SMG6: variants seen among roughly 807,000 people sequenced by gnomAD.
SMG6 encodes SMG6 nonsense mediated mRNA decay factor, also known as telomerase-binding protein EST1A.
In SMG6, 66 loss-of-function variants were observed where a neutral mutation model predicts 142.2. That is an observed-to-expected ratio of 0.46 (90% CI 0.38 to 0.57). The LOEUF (loss-of-function observed/expected upper bound fraction) is 0.57. Among genes scored for constraint, SMG6 ranks in the 20% least tolerant of loss-of-function variants. SMG6 has a pLI of 0.00. For missense variants in SMG6, 1,793 were observed against 1,832.0 expected, an observed-to-expected ratio of 0.98 and a Z score of 0.39; for synonymous variants, 779 against 702.4, an observed-to-expected ratio of 1.11 and a Z score of -1.72.
At chr17:2,178,616 A>G (rs972396564) in intron 12 of SMG6, among the ~76,000 whole-genome samples, 1 of 152,230 alleles carries the variant, frequency 6.6e-6, no homozygotes, top group African/African-American at 2.4e-5. Context: ...ACCTCGTTCC[A>G]GGATTTCTCA....
intron 8 of SMG6, among the ~76,000 whole-genome samples, chr17:2,262,723 G>A (rs2074343365): frequency 6.6e-6 from 1 of 152,098 alleles, no homozygotes; most frequent in Admixed American, 6.6e-5. Flanking sequence ...TTTATTGCAA[G>A]TATTTATTTA....
chr17:2,082,920 C>T (rs1791744191), intron 14 of SMG6, among the ~76,000 whole-genome samples: 2 of 152,170 alleles, frequency 1.3e-5, no homozygotes, highest in South Asian at 2.1e-4. Context: ...TACCGGGCTA[C>T]CCATTTTTCA....
chr17:2,282,801 C>T lies in SMG6; in HGVS notation c.2507G>A (p.Arg836Gln), dbSNP rs781584749. The T allele has an allele frequency of 3.9e-5, 63 of 1,614,064 alleles. No individual in the cohort carries two copies. The highest frequency in any genetic ancestry group is 1.5e-4 in the South Asian group (14 of 91,078). Residue 836 changes from arginine (R) to glutamine (Q), a missense_variant, in exon 8 of 19, where the codon CGG becomes CAG. Physicochemically the swap from Arg to Gln is conservative, Grantham distance 43 (BLOSUM62 1). Coordinates refer to ENST00000263073, the MANE Select transcript of SMG6 (RefSeq NM_017575.5). ...EEFDLSPDQW[R>Q]KGKKSTFRHV... Reference sequence around the variant, plus strand: ...CCGGAAAGTAGACTTCTTTCCTTTCCGCCACTGGTCAGGGCTCAGGTCAAA... The same window carrying T: ...CCGGAAAGTAGACTTCTTTCCTTTCTGCCACTGGTCAGGGCTCAGGTCAAA...
chr17:2,229,347 C>T (rs2073406349), intron 10 of SMG6: 1 of 152,242 alleles, frequency 6.6e-6, no homozygotes, highest in Admixed American at 6.5e-5. Context: ...CTCTTCCTAT[C>T]TCAGATCAGA....
chr17:2,303,513 T>C, intron 1 of SMG6, 120 bp downstream of exon 1: 1 of 1,329,402 alleles, frequency 7.5e-7, no homozygotes, highest in Non-Finnish European at 9.6e-7. Flanking sequence ...CCCCAGCGCC[T>C]ACTGCTGGGG....
intron 13 of SMG6, among the ~76,000 whole-genome samples, chr17:2,123,548 C>T (rs990875218): frequency 2.0e-5 from 3 of 152,178 alleles, no homozygotes; most frequent in African/African-American, 7.2e-5. Context: ...GTTATTCCTC[C>T]CACCTATACA....
At chr17:2,153,883 G>A (rs56402115) in intron 13 of SMG6, among the ~76,000 whole-genome samples, 3 of 134,980 alleles carry the variant, frequency 2.2e-5, no homozygotes, top group East Asian at 2.3e-4. Context: ...GTGCGGTGAC[G>A]GGGGAACCTG....
At chr17:2,298,219 G>A (rs2075187089) in intron 2 of SMG6, among the ~76,000 whole-genome samples, 164 bp from the exon 3 acceptor site, 1 of 152,170 alleles carries the variant, frequency 6.6e-6, no homozygotes, top group South Asian at 2.1e-4. Flanking sequence ...AGAGCAGAAT[G>A]TCATTCTAAA....
chr17:2,221,723 T>C (rs886265166), intron 10 of SMG6, among the ~76,000 whole-genome samples: 4 of 152,238 alleles, frequency 2.6e-5, no homozygotes, highest in African/African-American at 4.8e-5. Context: ...TCAATCTTCA[T>C]TGTCCAGGCT....
At chr17:2,298,334 A>G (rs980006937) in intron 2 of SMG6, among the ~76,000 whole-genome samples, 1 of 152,196 alleles carries the variant, frequency 6.6e-6, no homozygotes, top group Non-Finnish European at 1.5e-5. Context: ...ATTTCTTGGC[A>G]TTCTAGAAAG....
At chr17:2,096,628 G>C (rs953857383) in intron 13 of SMG6, among the ~76,000 whole-genome samples, 3 of 152,116 alleles carry the variant, frequency 2.0e-5, no homozygotes, top group African/African-American at 4.8e-5. Flanking sequence ...TTGCAGGTGT[G>C]AGCCGCCCAT....
At chr17:2,148,050 G>T (rs551862812) in intron 13 of SMG6, among the ~76,000 whole-genome samples, 38 of 152,224 alleles carry the variant, frequency 2.5e-4, no homozygotes, top group Admixed American at 1.6e-3. Flanking sequence ...ACTTAGCTGG[G>T]TGTGGTGGTG....
chr17:2,224,149 C>A (rs1352144875), intron 10 of SMG6, among the ~76,000 whole-genome samples: 2 of 152,074 alleles, frequency 1.3e-5, no homozygotes, highest in Admixed American at 6.6e-5. Flanking sequence ...AGATGGGAAA[C>A]CAGATAGGTA....
chr17:2,244,918 C>G, intron 8 of SMG6, 199 bp from the exon 9 acceptor site: 1 of 585,150 alleles, frequency 1.7e-6, no homozygotes, highest in Non-Finnish European at 3.1e-6. Context: ...GCCAAGATGA[C>G]AACAGGCTCA....
At chr17:2,247,302 CCA>C (rs546518694) in intron 8 of SMG6, among the ~76,000 whole-genome samples, 39 of 152,250 alleles carry the variant, frequency 2.6e-4, no homozygotes, top group Middle Eastern at 3.4e-3. Flanking sequence ...TACAACTTTT[CCA>C]CAGATAGGAT....
chr17:2,234,273 T>A (rs2073584364), intron 10 of SMG6, among the ~76,000 whole-genome samples: 3 of 152,106 alleles, frequency 2.0e-5, no homozygotes, highest in African/African-American at 7.2e-5. Flanking sequence ...TTATTATTAT[T>A]ATTTTTTGAG....
chr17:2,232,645 G>C (rs147729758), intron 10 of SMG6: 1 of 152,188 alleles, frequency 6.6e-6, no homozygotes, highest in East Asian at 1.9e-4. Context: ...GAGGATTCTA[G>C]AATTCTGTAT....
At chr17:2,165,013 G>GAGATTGA (rs1402082586) in intron 13 of SMG6, among the ~76,000 whole-genome samples, 1 of 152,162 alleles carries the variant, frequency 6.6e-6, no homozygotes, top group Non-Finnish European at 1.5e-5. Flanking sequence ...ACAGGTTTTA[G>GAGATTGA]AGATTGAAGA....
chr17:2,244,471 G>C (rs1209213229), intron 9 of SMG6, among the ~76,000 whole-genome samples, 187 bp downstream of exon 9: 1 of 152,162 alleles, frequency 6.6e-6, no homozygotes, highest in East Asian at 1.9e-4. Flanking sequence ...GAGAGATAGA[G>C]AGTAATATTT....
Sources: allele counts gnomAD v4.1 joint callset (sites outside exome capture counted in the v4.1 genomes callset), GRCh38; gene constraint gnomAD v4.1.1; transcripts MANE v1.5; gene names NCBI Gene and HGNC (gene_info 2026-07-23, HGNC 2026-07-21).